Variants in ZFR2 observed in about 807,000 individuals in gnomAD.
ZFR2 encodes the protein zinc finger RNA binding protein 2, also known as zinc finger RNA-binding protein 2.
In ZFR2, 104 loss-of-function variants were observed where a neutral mutation model predicts 105.7. The observed-to-expected ratio is 0.98, with a 90% CI of 0.84 to 1.16. The LOEUF is 1.16. Among genes scored for constraint, ZFR2 ranks in the 50% most tolerant of loss-of-function variants. The pLI, the probability that ZFR2 is intolerant of heterozygous loss-of-function variation, is 0.00. For synonymous variants in ZFR2, 634 were observed against 597.7 expected (o/e 1.06, Z -0.89); for missense variants, 1,425 against 1,355.5 (o/e 1.05, Z -0.80).
chr19:3,816,888 C>T (rs549849754), intron 12 of ZFR2, 43 bp from the exon 13 acceptor site: 80 of 1,508,796 alleles, frequency 5.3e-5, no homozygotes, highest in Middle Eastern at 1.8e-4. Flanking sequence ...AGCGGAGAGA[C>T]GCGGGGTACC....
chr19:3,830,991 G>A (rs548365594), intron 5 of ZFR2, among the ~76,000 whole-genome samples: 20 of 150,036 alleles, frequency 1.3e-4, no homozygotes, highest in East Asian at 3.9e-4. Flanking sequence ...ATACACACAC[G>A]CTTGCACACA....
chr19:3,837,965 A>C (rs1472558491), intron 1 of ZFR2, among the ~76,000 whole-genome samples: 1 of 151,854 alleles, frequency 6.6e-6, no homozygotes, highest in Non-Finnish European at 1.5e-5. Context: ...TGACTGTGAC[A>C]ATCAATGGAC....
At chr19:3,820,090 T>G in intron 11 of ZFR2, 92 bp downstream of exon 11, 2 of 1,260,698 alleles carry the variant, frequency 1.6e-6, no homozygotes, top group African/African-American at 1.5e-5. Flanking sequence ...TATGTGGGAG[T>G]TGGGGGGAGG....
chr19:3,806,683 T>C (rs1425146594), intron 18 of ZFR2, among the ~76,000 whole-genome samples: 1 of 152,210 alleles, frequency 6.6e-6, no homozygotes, highest in Non-Finnish European at 1.5e-5. Flanking sequence ...ACCAGCTCTT[T>C]CCGCCTCACT....
chr19:3,806,866 G>A (rs947696445), intron 18 of ZFR2, among the ~76,000 whole-genome samples: 2 of 152,222 alleles, frequency 1.3e-5, no homozygotes, highest in African/African-American at 4.8e-5. Flanking sequence ...GGAGCTGTCG[G>A]CCACGGCTGG....
chr19:3,832,232 T>TAG (rs1237898511), intron 3 of ZFR2, among the ~76,000 whole-genome samples: 3 of 152,080 alleles, frequency 2.0e-5, no homozygotes, highest in Non-Finnish European at 4.4e-5. Flanking sequence ...CCTTCATTCA[T>TAG]AGGCCCACAC....
rs79545305 is a variant in ZFR2, at chr19:3,819,879, G to C, written c.1740+303C>G. Among the ~76,000 whole-genome samples, 407 of 148,354 alleles carry C rather than the reference G, an allele frequency of 2.7e-3. 3 individuals carry two copies. The highest frequency in any genetic ancestry group is 8.8e-3 in the African/African-American group (352 of 39,828). ...AAAAAAAATAGTTCCCATCGAACCT[G>C]GGGGCTCGGGCTGCGGGGACAGGTG... On this transcript the variant is annotated intron_variant, in intron 11 of 18. Transcript: ENST00000262961.
rs533674782 is a variant in ZFR2, at chr19:3,859,747, C to T, written c.53+9218G>A. ...CAAGTCTGTTTTACCAGCAGTAAGA[C>T]GACATTTCAATCGCTGTGTGTACAC... On this transcript the variant is annotated intron_variant, in intron 1 of 18. Coordinates refer to ENST00000262961, the MANE Select transcript of ZFR2 (RefSeq NM_015174.2). 3.3e-4 allele frequency among the ~76,000 whole-genome samples: 51 copies of T among 152,280 alleles called. 1 individual carries two copies. The South Asian group carries it at 8.7e-3, about 26-fold the overall frequency.
At chr19:3,826,385 C>T (rs574703841) in intron 6 of ZFR2, among the ~76,000 whole-genome samples, 1 of 152,054 alleles carries the variant, frequency 6.6e-6, no homozygotes. Context: ...CCTCCCTGCT[C>T]TCAGGTGGGG....
chr19:3,806,198 G>A (rs926719972), intron 18 of ZFR2, 73 bp from the exon 19 acceptor site: 13 of 1,377,830 alleles, frequency 9.4e-6, no homozygotes, highest in Non-Finnish European at 5.6e-6. Flanking sequence ...CAGAGGGGCT[G>A]GTGTCTGTGG....
At chr19:3,849,712 T>TG (rs1343646575) in intron 1 of ZFR2, among the ~76,000 whole-genome samples, 2 of 152,182 alleles carry the variant, frequency 1.3e-5, no homozygotes, top group East Asian at 3.9e-4. Context: ...GCCTCTGACT[T>TG]GGAGTCAGGC....
Position 3,811,466 on chromosome 19 carries a change from T to G in ZFR2, c.2243-100A>C, listed in dbSNP as rs570824022. The G allele has an allele frequency of 3.0e-5, 34 of 1,123,848 alleles. 1 individual carries two copies. Among genetic ancestry groups the G allele is most frequent in the Non-Finnish European group, 4.3e-5 (34 of 797,644 alleles). 69.6% of individuals were successfully genotyped at this position (1,123,848 alleles called of 1,614,324 possible). A position where few individuals can be genotyped will look rare whatever the true frequency, so the allele number is the denominator to read the frequency against. On this transcript the variant is annotated intron_variant, in intron 14 of 18. Transcript: ENST00000262961. Reference sequence around the variant, plus strand: ...CAGTTTGGGCCCCTCGACGCTTTTTTTTTTTTGAGACACAGTTTCACTGTG... The same window carrying G: ...CAGTTTGGGCCCCTCGACGCTTTTTGTTTTTTGAGACACAGTTTCACTGTG...
rs556994004 is a variant in ZFR2 at position 3,805,640 on chromosome 19, C to T, written c.*309G>A. ...TGCTGGGATTACAGGCGTGAATCAC[C>T]GCGCCTGGCCACCAACCATGCCAAG... is the stretch of plus-strand genomic sequence containing the variant. On this transcript the variant is annotated 3_prime_UTR_variant, in exon 19 of 19. Coordinates refer to ENST00000262961, the MANE Select transcript of ZFR2 (RefSeq NM_015174.2). 4.9e-4 allele frequency: 144 copies of T among 291,710 alleles called. No homozygotes were observed. Among genetic ancestry groups the T allele is most frequent in the Middle Eastern group, 3.8e-3 (4 of 1,042 alleles). The allele number at this position is 291,710 out of a possible 1,614,324, so 18.1% of individuals were successfully genotyped here. A position where few individuals can be genotyped will look rare whatever the true frequency, so the allele number is the denominator to read the frequency against.
At chr19:3,819,724 C>T (rs1302851018) in intron 11 of ZFR2, among the ~76,000 whole-genome samples, 4 of 152,052 alleles carry the variant, frequency 2.6e-5, no homozygotes, top group Non-Finnish European at 5.9e-5. Context: ...TGGTGGCGGG[C>T]GCCCATAGTC....
chr19:3,852,722 C>A, intron 1 of ZFR2: 1 of 637,940 alleles, frequency 1.6e-6, no homozygotes, highest in Non-Finnish European at 2.9e-6. Flanking sequence ...GGAGCTGAGC[C>A]AGCAAAAACA....
At chr19:3,810,472 C>T (rs916116818) in intron 16 of ZFR2, among the ~76,000 whole-genome samples, 9 of 152,236 alleles carry the variant, frequency 5.9e-5, no homozygotes, top group African/African-American at 9.6e-5. Context: ...CCCTCTGCCC[C>T]GGTGCCACGA....
intron 1 of ZFR2, among the ~76,000 whole-genome samples, chr19:3,849,520 G>C (rs2038215177): frequency 6.6e-6 from 1 of 152,232 alleles, no homozygotes; most frequent in Non-Finnish European, 1.5e-5. Context: ...CCCACTCCAT[G>C]CCAGGAGCTC....
intron 1 of ZFR2, among the ~76,000 whole-genome samples, chr19:3,857,335 G>A (rs948601509): frequency 7.9e-5 from 12 of 151,864 alleles, no homozygotes; most frequent in African/African-American, 2.2e-4. Context: ...AACCAAACAC[G>A]GCCTGCAGGC....
chr19:3,848,972 C>A (rs894116298), intron 1 of ZFR2, among the ~76,000 whole-genome samples: 2 of 152,228 alleles, frequency 1.3e-5, no homozygotes, highest in African/African-American at 4.8e-5. Context: ...CCAGCCTGGA[C>A]AACAAAGCGA....
Sources: allele counts gnomAD v4.1 joint callset (sites outside exome capture counted in the v4.1 genomes callset), GRCh38; gene constraint gnomAD v4.1.1; transcripts MANE v1.5; gene names NCBI Gene and HGNC (gene_info 2026-07-23, HGNC 2026-07-21).